RBFOX1: variants seen among roughly 807,000 people sequenced by gnomAD.
The protein encoded by RBFOX1 is RNA binding protein fox-1 homolog 1.
In RBFOX1, 8 loss-of-function variants were observed where a neutral mutation model predicts 57.7. The observed-to-expected ratio is 0.14, with a 90% CI of 0.08 to 0.25. The LOEUF (loss-of-function observed/expected upper bound fraction) is 0.25. Among genes scored for constraint, RBFOX1 ranks in the 10% least tolerant of loss-of-function variants. RBFOX1 has a pLI of 1.00. For missense variants in RBFOX1, 611 were observed against 548.5 expected (o/e 1.11, Z -1.14); for synonymous variants, 326 against 222.4 (o/e 1.47, Z -4.15).
chr16:7,516,750 C>G (rs978353910), intron 4 of RBFOX1, among the ~76,000 whole-genome samples: 2 of 152,144 alleles, frequency 1.3e-5, no homozygotes, highest in African/African-American at 2.4e-5. Flanking sequence ...AAGCTTAGTT[C>G]TCTTCCAAGT....
intron 3 of RBFOX1, among the ~76,000 whole-genome samples, chr16:5,650,500 G>A (rs1319764483): frequency 4.6e-5 from 7 of 152,170 alleles, no homozygotes; most frequent in African/African-American, 1.7e-4. Flanking sequence ...TTAAACGGGA[G>A]TGTGATTAGT....
At chr16:7,455,663 T>C (rs2058351499) in intron 4 of RBFOX1, among the ~76,000 whole-genome samples, 1 of 151,282 alleles carries the variant, frequency 6.6e-6, no homozygotes, top group Non-Finnish European at 1.5e-5. Flanking sequence ...CAGGCGTGGT[T>C]GTAGTCCCAG....
At chr16:7,259,297 A>T (rs187425503) in intron 4 of RBFOX1, among the ~76,000 whole-genome samples, 71 of 152,318 alleles carry the variant, frequency 4.7e-4, no homozygotes, top group Middle Eastern at 3.4e-3. Flanking sequence ...CTTAAACCCT[A>T]TGGAAACACC....
chr16:6,568,153 G>A (rs2097293624), intron 2 of RBFOX1, among the ~76,000 whole-genome samples: 1 of 152,174 alleles, frequency 6.6e-6, no homozygotes, highest in Admixed American at 6.5e-5. Flanking sequence ...CCCAAAGTTA[G>A]CCTCTCAAAA....
At chr16:7,499,489 AC>A (rs2151785062) in intron 4 of RBFOX1, among the ~76,000 whole-genome samples, 1 of 152,302 alleles carries the variant, frequency 6.6e-6, no homozygotes, top group African/African-American at 2.4e-5. Flanking sequence ...AGACAATTCA[AC>A]CAATAACAGT....
At chr16:6,272,669 C>G (rs1159664905) in intron 1 of RBFOX1, among the ~76,000 whole-genome samples, 4 of 152,158 alleles carry the variant, frequency 2.6e-5, no homozygotes, top group African/African-American at 9.7e-5. Flanking sequence ...AGAAATGAGT[C>G]TGTTCAAAAA....
intron 4 of RBFOX1, among the ~76,000 whole-genome samples, chr16:7,271,502 A>G (rs2095317411): frequency 6.6e-6 from 1 of 152,052 alleles, no homozygotes; most frequent in African/African-American, 2.4e-5. Flanking sequence ...TTGATCTTGT[A>G]TTAAATGTCT....
intron 3 of RBFOX1, among the ~76,000 whole-genome samples, chr16:5,864,835 A>T (rs903401172): frequency 2.6e-5 from 4 of 152,162 alleles, no homozygotes; most frequent in African/African-American, 9.7e-5. Context: ...GGCAATCATT[A>T]GTTACCCCAC....
At chr16:6,588,834 C>G (rs1348378970) in intron 2 of RBFOX1, among the ~76,000 whole-genome samples, 1 of 152,172 alleles carries the variant, frequency 6.6e-6, no homozygotes, top group Admixed American at 6.5e-5. Flanking sequence ...CCAGGCCATG[C>G]TGTCTCACTG....
At chr16:6,636,246 C>CTGCAAGCT (rs2098431952) in intron 2 of RBFOX1, among the ~76,000 whole-genome samples, 1 of 152,184 alleles carries the variant, frequency 6.6e-6, no homozygotes, top group South Asian at 2.1e-4. Context: ...TCTCGGCTCA[C>CTGCAAGCT]TGCAAGCTCT....
chr16:6,960,089 G>T (rs1044421984), intron 3 of RBFOX1, among the ~76,000 whole-genome samples: 3 of 152,096 alleles, frequency 2.0e-5, no homozygotes, highest in African/African-American at 7.2e-5. Context: ...ACCCATTTAG[G>T]ATTAAACAAG....
intron 1 of RBFOX1, among the ~76,000 whole-genome samples, chr16:6,284,032 A>G (rs2076652035): frequency 1.3e-5 from 2 of 152,148 alleles, no homozygotes; most frequent in Admixed American, 1.3e-4. Flanking sequence ...ATGGAGAGAA[A>G]GGGCTTTGCC....
intron 4 of RBFOX1, among the ~76,000 whole-genome samples, chr16:7,435,527 T>G (rs1396508386): frequency 6.6e-6 from 1 of 152,196 alleles, no homozygotes; most frequent in Non-Finnish European, 1.5e-5. Context: ...GGGTGAGGTG[T>G]TTGTTAGGCT....
chr16:7,036,008 C>T (rs1030675696), intron 3 of RBFOX1, among the ~76,000 whole-genome samples: 6 of 152,156 alleles, frequency 3.9e-5, no homozygotes, highest in African/African-American at 1.4e-4. Flanking sequence ...CAGAATCCTT[C>T]CCATTTCTTA....
At chr16:6,676,399 C>G (rs2057696064) in intron 3 of RBFOX1, among the ~76,000 whole-genome samples, 1 of 151,952 alleles carries the variant, frequency 6.6e-6, no homozygotes, top group Non-Finnish European at 1.5e-5. Flanking sequence ...GGGTCCTAGC[C>G]CAAGGTCAAC....
At chr16:7,512,111 G>A (rs1374806650) in intron 4 of RBFOX1, among the ~76,000 whole-genome samples, 4 of 152,186 alleles carry the variant, frequency 2.6e-5, no homozygotes, top group Non-Finnish European at 4.4e-5. Flanking sequence ...TTTAGGGAAA[G>A]GTGGGGGTTT....
intron 3 of RBFOX1, among the ~76,000 whole-genome samples, chr16:5,730,079 C>T (rs2052309295): frequency 6.6e-6 from 1 of 152,088 alleles, no homozygotes; most frequent in South Asian, 2.1e-4. Flanking sequence ...ATCAGAGGAC[C>T]CAAATTAAAC....
intron 3 of RBFOX1, among the ~76,000 whole-genome samples, chr16:6,881,816 T>C (rs1013015912): frequency 6.6e-6 from 1 of 151,866 alleles, no homozygotes; most frequent in Non-Finnish European, 1.5e-5. Flanking sequence ...CTGGGTACTT[T>C]TATTCTCCCT....
At chr16:6,886,801 A>G (rs1283401311) in intron 3 of RBFOX1, among the ~76,000 whole-genome samples, 1 of 152,024 alleles carries the variant, frequency 6.6e-6, no homozygotes, top group Admixed American at 6.6e-5. Flanking sequence ...AAACCAGAAA[A>G]AAAAAGAATG....
Sources: allele counts gnomAD v4.1 joint callset (sites outside exome capture counted in the v4.1 genomes callset), GRCh38; gene constraint gnomAD v4.1.1; transcripts MANE v1.5; gene names NCBI Gene and HGNC (gene_info 2026-07-23, HGNC 2026-07-21).